The following AUTS2 variants were observed in gnomAD, a reference collection of about 807,000 sequenced individuals.
AUTS2 encodes the protein activator of transcription and developmental regulator AUTS2.
A neutral mutation model predicts 112.4 loss-of-function variants in AUTS2; 17 were observed. The observed-to-expected ratio is 0.15, with a 90% CI of 0.10 to 0.23. The LOEUF (loss-of-function observed/expected upper bound fraction) is 0.23. Among genes scored for constraint, AUTS2 ranks in the 10% least tolerant of loss-of-function variants. The probability of loss-of-function intolerance (pLI) is 1.00; values close to 1 mark genes in which losing one functional copy is unlikely to be tolerated. For missense variants in AUTS2, 1,510 were observed against 1,701.6 expected, an observed-to-expected ratio of 0.89 and a Z score of 1.98; for synonymous variants, 751 against 702.7, an observed-to-expected ratio of 1.07 and a Z score of -1.09.
chr7:69,651,695 G>T (rs1299607489), intron 1 of AUTS2, among the ~76,000 whole-genome samples: 1 of 152,216 alleles, frequency 6.6e-6, no homozygotes, highest in Non-Finnish European at 1.5e-5. Context: ...ATTGGGACTA[G>T]AATCCATGGT....
rs1797310272 is a variant in AUTS2, at chr7:70,469,806, A to C, written c.690+34025A>C. On this transcript the variant is annotated intron_variant, in intron 5 of 18. Transcript: ENST00000342771. Reference sequence around the variant, plus strand: ...CAGGCACCCGCCACCACGCCCGGCTAATTTTTTATTTTTAGTAGAGATGGG... The same window carrying C: ...CAGGCACCCGCCACCACGCCCGGCTCATTTTTTATTTTTAGTAGAGATGGG... Among the ~76,000 whole-genome samples the C allele has an allele frequency of 5.3e-5, 8 of 152,216 alleles. No homozygotes were observed. The South Asian group carries it at 1.7e-3, about 32-fold the overall frequency.
At chr7:70,608,825 T>C (rs1353702659) in intron 5 of AUTS2, among the ~76,000 whole-genome samples, 1 of 152,234 alleles carries the variant, frequency 6.6e-6, no homozygotes, top group Non-Finnish European at 1.5e-5. Flanking sequence ...CATTTTTAAT[T>C]TGGTGACTTG....
chr7:69,868,006 G>A (rs1793311904), intron 1 of AUTS2, among the ~76,000 whole-genome samples: 1 of 151,678 alleles, frequency 6.6e-6, no homozygotes, highest in Non-Finnish European at 1.5e-5. Flanking sequence ...ATTTTATCTA[G>A]TAACCCTACA....
At chr7:69,669,982 T>C (rs1443673526) in intron 1 of AUTS2, among the ~76,000 whole-genome samples, 1 of 152,212 alleles carries the variant, frequency 6.6e-6, no homozygotes, top group African/African-American at 2.4e-5. Context: ...TGTCTGTCCA[T>C]AGACTCTTGA....
intron 4 of AUTS2, among the ~76,000 whole-genome samples, chr7:70,393,542 C>T (rs977621054): frequency 6.6e-6 from 1 of 152,012 alleles, no homozygotes; most frequent in Non-Finnish European, 1.5e-5. Flanking sequence ...TCTGTGGTTC[C>T]TCATTATCCT....
rs1795241797 is a variant in AUTS2 at position 69,908,697 on chromosome 7, C to A, written c.522+9199C>A. ...GGTCATTCTGTAATCACTGTTTGCA[C>A]CTGCATTTGCTCAGGAAGTGTTTGC... On this transcript the variant is annotated intron_variant, in intron 2 of 18. Transcript: ENST00000342771. Among the ~76,000 whole-genome samples the A allele has an allele frequency of 1.3e-5, 2 of 152,224 alleles. 1 individual carries two copies. The highest frequency in any genetic ancestry group is 4.8e-5 in the African/African-American group (2 of 41,458).
chr7:70,137,228 C>A (rs1312510872), intron 4 of AUTS2, among the ~76,000 whole-genome samples: 4 of 152,212 alleles, frequency 2.6e-5, no homozygotes, highest in African/African-American at 7.2e-5. Flanking sequence ...GCAAAGAATT[C>A]TTAAAGTAGA....
chr7:70,777,244 C>T, intron 14 of AUTS2, 70 bp downstream of exon 14: 1 of 1,396,710 alleles, frequency 7.2e-7, no homozygotes, highest in African/African-American at 1.4e-5. Flanking sequence ...CTCGGGAGAA[C>T]CTGATGAAGG....
intron 4 of AUTS2, among the ~76,000 whole-genome samples, chr7:70,185,321 G>A (rs1809544475): frequency 7.3e-6 from 1 of 137,762 alleles, no homozygotes; most frequent in Non-Finnish European, 1.5e-5. Context: ...GCTCGCTAGT[G>A]GTCTTCAACC....
intron 4 of AUTS2, among the ~76,000 whole-genome samples, chr7:70,154,510 A>AG: frequency 6.6e-6 from 1 of 152,332 alleles, no homozygotes. Context: ...GCTCCCTTTA[A>AG]GGAGACAGGG....
At chr7:70,752,232 A>T (rs4717552) in intron 6 of AUTS2, among the ~76,000 whole-genome samples, 35,690 of 151,908 alleles carry the variant, frequency 0.23, 5,305 homozygotes, top group African/African-American at 0.42. Context: ...GCAGCTAATA[A>T]ATATTGAGGC....
At chr7:70,782,008 G>C (rs1791121989) in intron 15 of AUTS2, 1 of 515,368 alleles carries the variant, frequency 1.9e-6, no homozygotes, top group African/African-American at 1.9e-5. Context: ...TTCATTATTT[G>C]CTTCTATATT....
chr7:69,908,555 G>C (rs954476026), intron 2 of AUTS2, among the ~76,000 whole-genome samples: 8 of 152,292 alleles, frequency 5.3e-5, no homozygotes, highest in Admixed American at 5.2e-4. Context: ...CTCTCAGGAG[G>C]CCTGATGAGC....
At chr7:69,699,465 T>A (rs769207455) in intron 1 of AUTS2, among the ~76,000 whole-genome samples, 2 of 152,124 alleles carry the variant, frequency 1.3e-5, no homozygotes, top group Non-Finnish European at 2.9e-5. Context: ...TGCTGTTTTG[T>A]AGTTACCAAT....
At chr7:70,578,133 T>A (rs1802259768) in intron 5 of AUTS2, among the ~76,000 whole-genome samples, 1 of 152,214 alleles carries the variant, frequency 6.6e-6, no homozygotes, top group Admixed American at 6.5e-5. Flanking sequence ...CCTGGCCTTT[T>A]GTCCATATGT....
intron 1 of AUTS2, among the ~76,000 whole-genome samples, chr7:69,780,811 C>G (rs1442710578): frequency 6.6e-6 from 1 of 152,150 alleles, no homozygotes; most frequent in Non-Finnish European, 1.5e-5. Context: ...CATTGCTATT[C>G]CTGAGTCTTT....
chr7:69,891,998 T>TA (rs1030567447), intron 1 of AUTS2, among the ~76,000 whole-genome samples: 4 of 151,508 alleles, frequency 2.6e-5, no homozygotes, highest in Non-Finnish European at 4.4e-5. Flanking sequence ...TTTCACCCGT[T>TA]AGTCAGGATG....
chr7:70,315,909 G>A (rs1789971630), intron 4 of AUTS2, among the ~76,000 whole-genome samples: 1 of 152,146 alleles, frequency 6.6e-6, no homozygotes, highest in African/African-American at 2.4e-5. Flanking sequence ...CATTCTCCCT[G>A]AAATTGTACA....
intron 1 of AUTS2, among the ~76,000 whole-genome samples, chr7:69,702,894 T>C (rs940088436): frequency 1.3e-5 from 2 of 152,220 alleles, no homozygotes; most frequent in Non-Finnish European, 2.9e-5. Flanking sequence ...CAAACATTTA[T>C]TGAATTTCAC....
Sources: allele counts gnomAD v4.1 joint callset (sites outside exome capture counted in the v4.1 genomes callset), GRCh38; gene constraint gnomAD v4.1.1; transcripts MANE v1.5; gene names NCBI Gene and HGNC (gene_info 2026-07-23, HGNC 2026-07-21).